The following CUBN variants were observed in gnomAD, a reference collection of about 807,000 sequenced individuals.
CUBN encodes the protein 460 kDa receptor.
In CUBN, 282 loss-of-function variants were observed where a neutral mutation model predicts 405.3. The observed-to-expected ratio is 0.70, with a 90% CI of 0.63 to 0.77. CUBN has a LOEUF of 0.77. Among genes scored for constraint, CUBN ranks in the 30% least tolerant of loss-of-function variants. The probability of loss-of-function intolerance (pLI) is 0.00; values close to 1 mark genes in which losing one functional copy is unlikely to be tolerated. For missense variants in CUBN, 4,514 were observed against 4,475.2 expected, an observed-to-expected ratio of 1.01 and a Z score of -0.25; for synonymous variants, 1,684 against 1,617.0, an observed-to-expected ratio of 1.04 and a Z score of -0.99.
intron 56 of CUBN, among the ~76,000 whole-genome samples, chr10:16,882,094 G>C (rs999501795): frequency 6.6e-6 from 1 of 152,210 alleles, no homozygotes; most frequent in Non-Finnish European, 1.5e-5. Context: ...AAACTTAGTT[G>C]AGGTTTGGAA....
chr10:16,986,495 A>G (rs550977312), intron 29 of CUBN, among the ~76,000 whole-genome samples: 45 of 152,300 alleles, frequency 3.0e-4, no homozygotes, highest in African/African-American at 1.0e-3. Context: ...AAAGGCCAAA[A>G]TGAATGAAAC....
intron 48 of CUBN, among the ~76,000 whole-genome samples, chr10:16,911,821 A>C (rs2131448223): frequency 6.6e-6 from 1 of 152,272 alleles, no homozygotes; most frequent in South Asian, 2.1e-4. Flanking sequence ...TATTTTCTGA[A>C]CTCTCCAAAT....
At chr10:16,872,587 G>T (rs527447736) in intron 58 of CUBN, among the ~76,000 whole-genome samples, 1 of 152,188 alleles carries the variant, frequency 6.6e-6, no homozygotes, top group South Asian at 2.1e-4. Flanking sequence ...ACAGCAAGAA[G>T]GTACCTTCTA....
chr10:17,072,040 T>C (rs1835752179), intron 17 of CUBN, 69 bp from the exon 18 acceptor site: 1 of 1,271,396 alleles, frequency 7.9e-7, no homozygotes, highest in African/African-American at 1.5e-5. Flanking sequence ...GTGGCGTTAC[T>C]TGGAGATGAA....
chr10:16,985,851 A>T (rs1833402716), intron 29 of CUBN, among the ~76,000 whole-genome samples: 1 of 152,150 alleles, frequency 6.6e-6, no homozygotes. Flanking sequence ...AAATCTCCCA[A>T]ACTGTCTGTC....
chr10:16,866,607 C>T (rs757390786), intron 59 of CUBN, among the ~76,000 whole-genome samples: 16 of 152,140 alleles, frequency 1.1e-4, no homozygotes, highest in Non-Finnish European at 2.2e-4. Flanking sequence ...ACTATGAACT[C>T]GGTTAGGAAA....
intron 25 of CUBN, 125 bp from the exon 26 acceptor site, chr10:17,044,108 T>A: frequency 4.5e-6 from 1 of 224,414 alleles, no homozygotes; most frequent in Admixed American, 6.1e-5. Flanking sequence ...TATAAATAAA[T>A]ATATGTAATT....
At chr10:16,931,424 C>T (rs1376720143) in intron 40 of CUBN, among the ~76,000 whole-genome samples, 19 of 152,216 alleles carry the variant, frequency 1.2e-4, no homozygotes, top group Admixed American at 1.2e-3. Flanking sequence ...CATCTACTCA[C>T]ATTGCCAGTG....
At chr10:17,055,434 C>G (rs371092070) in intron 22 of CUBN, among the ~76,000 whole-genome samples, 1 of 151,828 alleles carries the variant, frequency 6.6e-6, no homozygotes, top group Admixed American at 6.6e-5. Flanking sequence ...TACACATACA[C>G]AGAGAAAGAG....
chr10:16,905,738 C>T (rs1263852725), intron 50 of CUBN, among the ~76,000 whole-genome samples: 3 of 152,136 alleles, frequency 2.0e-5, no homozygotes, highest in South Asian at 2.1e-4. Context: ...ATTATGGCTT[C>T]GAACAGAGTT....
intron 8 of CUBN, 84 bp from the exon 9 acceptor site, chr10:17,111,134 C>T (rs1444984017): frequency 7.0e-7 from 1 of 1,433,500 alleles, no homozygotes; most frequent in Non-Finnish European, 9.8e-7. Flanking sequence ...ATATAAAAAC[C>T]TTCTCCACCT....
intron 40 of CUBN, among the ~76,000 whole-genome samples, chr10:16,928,587 T>A (rs1842276430): frequency 7.7e-6 from 1 of 130,584 alleles, no homozygotes; most frequent in Admixed American, 9.5e-5. Context: ...TGGAGTGCAG[T>A]GGCACAGTCT....
chr10:16,837,051 C>A (rs1839191915), intron 62 of CUBN, among the ~76,000 whole-genome samples: 1 of 152,012 alleles, frequency 6.6e-6, no homozygotes, highest in African/African-American at 2.4e-5. Context: ...TACTGAAACA[C>A]CCCACCCGTC....
intron 40 of CUBN, among the ~76,000 whole-genome samples, chr10:16,932,140 G>C (rs761052854): frequency 6.6e-6 from 1 of 152,104 alleles, no homozygotes; most frequent in Non-Finnish European, 1.5e-5. Context: ...TGATTGATTT[G>C]AGTCTCTACT....
chr10:17,109,129 C>T (rs1836707283), intron 10 of CUBN, among the ~76,000 whole-genome samples: 1 of 152,092 alleles, frequency 6.6e-6, no homozygotes, highest in Non-Finnish European at 1.5e-5. Flanking sequence ...GAAAGTTTAG[C>T]AGTATATATT....
chr10:16,848,802 G>T (rs1476795330), intron 60 of CUBN, among the ~76,000 whole-genome samples: 1 of 143,936 alleles, frequency 6.9e-6, no homozygotes, highest in Non-Finnish European at 1.5e-5. Flanking sequence ...TCTGGGTTCA[G>T]GGGATCCTTC....
Position 16,996,518 on chromosome 10 carries a change from T to C in CUBN, c.4169-6003A>G, listed in dbSNP as rs1214017634. Among the ~76,000 whole-genome samples, 3 of 152,236 alleles carry C rather than the reference T, an allele frequency of 2.0e-5. No individual in the cohort carries two copies. In the East Asian group the frequency reaches 5.8e-4, roughly 29 times the overall value. On this transcript the variant is annotated intron_variant, in intron 28 of 66. Coordinates refer to ENST00000377833, the MANE Select transcript of CUBN (RefSeq NM_001081.4). ...CATAAAAGAACTTCACTAATATTGT[T>C]TTGGTTTTTGTCCAAAACAAGCCAT...
chr10:16,957,714 G>T (rs1300012265), intron 31 of CUBN, among the ~76,000 whole-genome samples: 1 of 152,126 alleles, frequency 6.6e-6, no homozygotes, highest in Middle Eastern at 3.2e-3. Flanking sequence ...TGATCCAACA[G>T]TCTCACTCCT....
At chr10:16,958,000 A>G (rs1300100891) in intron 31 of CUBN, among the ~76,000 whole-genome samples, 5 of 152,178 alleles carry the variant, frequency 3.3e-5, no homozygotes, top group Non-Finnish European at 7.3e-5. Context: ...CAAAGGTCCA[A>G]GGAATAAGTA....
Sources: gnomAD v4.1 joint callset for allele counts (sites outside exome capture counted in the v4.1 genomes callset) on GRCh38, gnomAD v4.1.1 for gene constraint, MANE v1.5 for transcripts, NCBI Gene and HGNC (gene_info 2026-07-23, HGNC 2026-07-21) for gene names.